SKIC3: variants seen among roughly 807,000 people sequenced by gnomAD.
The protein encoded by SKIC3 is SKI3 subunit of superkiller complex.
the SKIC3 span, chr5:95,541,932 T>G: frequency 1.4e-6 from 2 of 1,466,996 alleles, no homozygotes; most frequent in African/African-American, 1.4e-5. Context: ...CTCATGATTA[T>G]TCTTTTTCCT....
At chr5:95,468,390 A>C in the SKIC3 span, among the ~76,000 whole-genome samples, 8 of 152,210 alleles carry the variant, frequency 5.3e-5, no homozygotes, top group Non-Finnish European at 1.2e-4. Context: ...TAAGTCACTA[A>C]ATAATGCAAG....
At chr5:95,472,711 C>T in the SKIC3 span, among the ~76,000 whole-genome samples, 2 of 152,026 alleles carry the variant, frequency 1.3e-5, no homozygotes, top group African/African-American at 4.8e-5. Context: ...ATATTGCACC[C>T]AGTTAGGGAG....
the SKIC3 span, among the ~76,000 whole-genome samples, chr5:95,469,626 T>A: frequency 6.6e-6 from 1 of 152,240 alleles, no homozygotes; most frequent in African/African-American, 2.4e-5. Flanking sequence ...TGGAACCAGT[T>A]CTTCCAAAGT....
the SKIC3 span, among the ~76,000 whole-genome samples, chr5:95,510,094 A>C: frequency 5.3e-5 from 8 of 152,354 alleles, no homozygotes; most frequent in East Asian, 1.5e-3. Flanking sequence ...ATTTAAAAAA[A>C]ATAACAAAGT....
the SKIC3 span, chr5:95,464,610 T>C: frequency 1.2e-6 from 2 of 1,610,726 alleles, no homozygotes; most frequent in South Asian, 1.1e-5. Flanking sequence ...TCCAATGTTA[T>C]TGTGAGGACA....
the SKIC3 span, among the ~76,000 whole-genome samples, chr5:95,500,590 G>C: frequency 6.6e-6 from 1 of 151,992 alleles, no homozygotes; most frequent in Non-Finnish European, 1.5e-5. Context: ...TATCCAAACG[G>C]CATAACCATT....
the SKIC3 span, among the ~76,000 whole-genome samples, chr5:95,548,392 AT>A: frequency 6.6e-6 from 1 of 152,194 alleles, no homozygotes; most frequent in East Asian, 1.9e-4. Context: ...GACTTAAAAA[AT>A]GTTAGGATTC....
chr5:95,467,773 T>G, the SKIC3 span: 1 of 1,540,018 alleles, frequency 6.5e-7, no homozygotes, highest in Non-Finnish European at 8.8e-7. Flanking sequence ...GTGAAGTAAC[T>G]TTGAACAATA....
chr5:95,517,936 AG>A, the SKIC3 span, among the ~76,000 whole-genome samples: 2 of 151,938 alleles, frequency 1.3e-5, no homozygotes, highest in Non-Finnish European at 2.9e-5. Flanking sequence ...TCCTGATAAA[AG>A]GGTAGGTTCA....
At chr5:95,470,487 T>A in the SKIC3 span, among the ~76,000 whole-genome samples, 1 of 152,154 alleles carries the variant, frequency 6.6e-6, no homozygotes, top group Non-Finnish European at 1.5e-5. Context: ...TTATACTACA[T>A]AGGTGAATAA....
the SKIC3 span, among the ~76,000 whole-genome samples, chr5:95,518,805 C>A: frequency 2.0e-5 from 3 of 151,964 alleles, no homozygotes; most frequent in Admixed American, 2.0e-4. Flanking sequence ...TAATGATTTT[C>A]TTTCCTTTGG....
At chr5:95,502,932 T>C in the SKIC3 span, 5 of 1,614,008 alleles carry the variant, frequency 3.1e-6, no homozygotes, top group Admixed American at 8.3e-5. Flanking sequence ...TTATATTCAG[T>C]TATTGCCAGA....
the SKIC3 span, among the ~76,000 whole-genome samples, chr5:95,491,494 T>C: frequency 3.3e-5 from 5 of 152,208 alleles, no homozygotes; most frequent in Non-Finnish European, 5.9e-5. Context: ...ATTTTAATTA[T>C]ATTCTAATAG....
chr5:95,471,849 C>A, the SKIC3 span, among the ~76,000 whole-genome samples: 1 of 152,218 alleles, frequency 6.6e-6, no homozygotes, highest in Non-Finnish European at 1.5e-5. Flanking sequence ...CATGGGTAGT[C>A]TCTCATCTGC....
At chr5:95,513,051 A>G in the SKIC3 span, 978 of 188,762 alleles carry the variant, frequency 5.2e-3, 6 homozygotes, top group Middle Eastern at 0.023. Context: ...TACTATATCT[A>G]TTAAATCTAA....
chr5:95,513,490 G>C, the SKIC3 span: 1 of 1,470,648 alleles, frequency 6.8e-7, no homozygotes, highest in East Asian at 2.3e-5. Flanking sequence ...ACTATGCCTA[G>C]CCCAATATCT....
At chr5:95,466,697 G>A in the SKIC3 span, among the ~76,000 whole-genome samples, 6,796 of 152,204 alleles carry the variant, frequency 0.045, 207 homozygotes, top group East Asian at 0.11. Context: ...TTTACCAGCT[G>A]GCCATTTTTA....
At chr5:95,499,576 T>C in the SKIC3 span, among the ~76,000 whole-genome samples, 40 of 152,204 alleles carry the variant, frequency 2.6e-4, no homozygotes, top group African/African-American at 9.4e-4. Context: ...ATTAGCTTCT[T>C]TGAGTTTCAG....
chr5:95,464,772 C>T, the SKIC3 span: 2 of 1,060,016 alleles, frequency 1.9e-6, no homozygotes, highest in Non-Finnish European at 1.4e-6. Flanking sequence ...CCAAGGGCGG[C>T]AGTCTTGAAA....
Sources: allele counts gnomAD v4.1 joint callset (sites outside exome capture counted in the v4.1 genomes callset), GRCh38; gene constraint gnomAD v4.1.1; transcripts MANE v1.5; gene names NCBI Gene and HGNC (gene_info 2026-07-23, HGNC 2026-07-21).